Variants in LEP observed in about 807,000 individuals in gnomAD.
The protein encoded by LEP is leptin (murine obesity homolog).
A neutral mutation model predicts 9.8 loss-of-function variants in LEP; 6 were observed. The ratio of observed to expected loss-of-function variants is 0.61; its 90% confidence interval spans 0.34 to 1.21. The LOEUF is 1.21. Among genes scored for constraint, LEP ranks in the 50% most tolerant of loss-of-function variants. LEP has a pLI of 0.04. For synonymous variants in LEP, 112 were observed against 81.7 expected, an observed-to-expected ratio of 1.37 and a Z score of -2.00; for missense variants, 134 against 198.1, an observed-to-expected ratio of 0.68 and a Z score of 1.94.
At chr7:128,253,148 G>A (rs936429164) in intron 2 of LEP, among the ~76,000 whole-genome samples, 2 of 152,106 alleles carry the variant, frequency 1.3e-5, no homozygotes, top group African/African-American at 2.4e-5. Context: ...CCCATTGGCA[G>A]GAACAAGACC....
intron 1 of LEP, among the ~76,000 whole-genome samples, chr7:128,242,170 A>G (rs1795159536): frequency 6.6e-6 from 1 of 152,226 alleles, no homozygotes. Flanking sequence ...AGTTAGGTCC[A>G]AGTGAGACAA....
chr7:128,246,071 AAAAAAAAT>A (rs1166357738), intron 1 of LEP, among the ~76,000 whole-genome samples: 166 of 152,006 alleles, frequency 1.1e-3, no homozygotes, highest in African/African-American at 3.6e-3. Flanking sequence ...ACTCCGTCAA[AAAAAAAAT>A]AAAAAAATAA....
chr7:128,245,995 C>T (rs1294921860), intron 1 of LEP, among the ~76,000 whole-genome samples: 9 of 151,648 alleles, frequency 5.9e-5, no homozygotes, highest in African/African-American at 1.5e-4. Context: ...CGCTTGAACC[C>T]GGGAGGCGGA....
intron 1 of LEP, among the ~76,000 whole-genome samples, chr7:128,250,797 C>T (rs1795265879): frequency 1.3e-5 from 2 of 152,126 alleles, no homozygotes; most frequent in Non-Finnish European, 2.9e-5. Flanking sequence ...TCTCCAGAAC[C>T]GTCATCCTAA....
At position 128,252,084 on chromosome 7, in the gene LEP, G is replaced by A; in HGVS notation, c.66G>A (p.Val22=). ...LWPYLFYVQA[V]PIQKVQDDTK... Reference sequence around the variant, plus strand: ...CCTATCTTTTCTATGTCCAAGCTGTGCCCATCCAAAAAGTCCAAGATGACA... The same window carrying A: ...CCTATCTTTTCTATGTCCAAGCTGTACCCATCCAAAAAGTCCAAGATGACA... The change falls in exon 2 of 3, where the codon GTG becomes GTA. Residue 22 remains valine (V), a synonymous_variant. Coordinates refer to ENST00000308868, the MANE Select transcript of LEP (RefSeq NM_000230.3). 6.2e-7 allele frequency: 1 copy of A among 1,614,106 alleles called. No individual in the cohort carries two copies. Among genetic ancestry groups the A allele is most frequent in the Non-Finnish European group, 8.5e-7 (1 of 1,179,982 alleles).
chr7:128,245,004 G>A (rs948296472), intron 1 of LEP, among the ~76,000 whole-genome samples: 4 of 152,192 alleles, frequency 2.6e-5, no homozygotes, highest in Admixed American at 2.6e-4. Flanking sequence ...AAGGGGGCTG[G>A]AGTGTAAATG....
At chr7:128,243,778 A>T (rs906474231) in intron 1 of LEP, among the ~76,000 whole-genome samples, 7 of 152,214 alleles carry the variant, frequency 4.6e-5, no homozygotes, top group Non-Finnish European at 7.3e-5. Flanking sequence ...AGAATGGGAA[A>T]TCTTTCATTT....
At chr7:128,244,141 T>C (rs1171949710) in intron 1 of LEP, among the ~76,000 whole-genome samples, 1 of 151,442 alleles carries the variant, frequency 6.6e-6, no homozygotes, top group Admixed American at 6.6e-5. Context: ...CCCAGCTACT[T>C]GGGAGGCTGA....
intron 2 of LEP, among the ~76,000 whole-genome samples, 168 bp downstream of exon 2, chr7:128,252,330 G>A (rs921801514): frequency 3.3e-5 from 5 of 152,204 alleles, no homozygotes; most frequent in African/African-American, 1.2e-4. Flanking sequence ...ACTCTTTCTG[G>A]TTGTTTCTTT....
Position 128,254,662 on chromosome 7 carries a change from C to A in LEP, c.403C>A (p.Leu135Met), listed in dbSNP as rs1478070295. The A allele has an allele frequency of 8.7e-6, 14 of 1,613,980 alleles. No individual in the cohort carries two copies. The highest frequency in any genetic ancestry group is 1.7e-5 in the Admixed American group (1 of 60,010). The change falls in exon 3 of 3, where the codon CTG becomes ATG. Residue 135 changes from leucine (L) to methionine (M), a missense_variant. Leu to Met is a conservative substitution (Grantham distance 15, BLOSUM62 2). Transcript: ENST00000308868. Reference protein sequence around the residue: ...LETLDSLGGVLEASGYSTEVV... With the variant: ...LETLDSLGGVMEASGYSTEVV... Reference sequence around the variant, plus strand: ...GACCTTGGACAGCCTGGGGGGTGTCCTGGAAGCTTCAGGCTACTCCACAGA... The same window carrying A: ...GACCTTGGACAGCCTGGGGGGTGTCATGGAAGCTTCAGGCTACTCCACAGA...
chr7:128,248,024 G>A (rs140936524), intron 1 of LEP, among the ~76,000 whole-genome samples: 1 of 152,320 alleles, frequency 6.6e-6, no homozygotes, highest in East Asian at 1.9e-4. Flanking sequence ...CCAATGCGGT[G>A]GCTCACGCCT....
chr7:128,241,344 G>A (rs1288977509), intron 1 of LEP, 38 bp downstream of exon 1: 1 of 153,710 alleles, frequency 6.5e-6, no homozygotes, highest in Non-Finnish European at 1.5e-5. Flanking sequence ...TTCTCTGCTG[G>A]TCTTTCTTGG....
chr7:128,245,865 C>T lies in LEP; in HGVS notation c.-29+4559C>T, dbSNP rs562645794. Among the ~76,000 whole-genome samples, 199 of 152,060 alleles carry T rather than the reference C, an allele frequency of 1.3e-3. 8 individuals carry two copies. The South Asian group carries it at 0.041, about 31-fold the overall frequency. On this transcript the variant is annotated intron_variant, in intron 1 of 2. Coordinates refer to ENST00000308868, the MANE Select transcript of LEP (RefSeq NM_000230.3). Reference sequence around the variant, plus strand: ...GATCACGAGGTCAGGAGTTTGAGACCAGCCTGGCCAAGATGGTGAAGCCTC... The same window carrying T: ...GATCACGAGGTCAGGAGTTTGAGACTAGCCTGGCCAAGATGGTGAAGCCTC...
intron 2 of LEP, among the ~76,000 whole-genome samples, chr7:128,253,101 T>C (rs1795294587): frequency 6.6e-6 from 1 of 152,108 alleles, no homozygotes; most frequent in South Asian, 2.1e-4. Context: ...TGAATCTTAG[T>C]GCCTACGACC....
chr7:128,255,161 A>C lies in LEP; in HGVS notation c.*398A>C. On this transcript the variant is annotated 3_prime_UTR_variant, in exon 3 of 3. Transcript: ENST00000308868. ...GGCAGAGCCTTTGGATGACCAGAAC[A>C]AGGTTCCCTCTGAGAATTCCAAGGA... The C allele has an allele frequency of 4.4e-6, 1 of 227,276 alleles. No individual in the cohort carries two copies. Among genetic ancestry groups the C allele is most frequent in the Non-Finnish European group, 8.9e-6 (1 of 111,842 alleles). The allele number at this position is 227,276 out of a possible 1,614,324, so 14.1% of individuals were successfully genotyped here. A position where few individuals can be genotyped will look rare whatever the true frequency, so the allele number is the denominator to read the frequency against.
chr7:128,250,135 G>A (rs757963232), intron 1 of LEP, among the ~76,000 whole-genome samples: 6 of 152,188 alleles, frequency 3.9e-5, no homozygotes, highest in Non-Finnish European at 8.8e-5. Context: ...GCCTGCAGCT[G>A]GAGCCGCAGA....
At chr7:128,251,264 G>A (rs1795271697) in intron 1 of LEP, among the ~76,000 whole-genome samples, 2 of 152,176 alleles carry the variant, frequency 1.3e-5, no homozygotes, top group African/African-American at 2.4e-5. Flanking sequence ...GCCACTCGAG[G>A]GTAGAGAGCA....
rs1194618424 is a variant in LEP at position 128,256,905 on chromosome 7, TGCCTGCAGAGAGAA to T, written c.*2148_*2161del. 2.6e-5 allele frequency: 4 copies of T among 152,354 alleles called. No individual in the cohort carries two copies. The highest frequency in any genetic ancestry group is 7.2e-5 in the African/African-American group (3 of 41,510). 9.4% of individuals were successfully genotyped at this position (152,354 alleles called of 1,614,324 possible). On this transcript the variant is annotated 3_prime_UTR_variant, in exon 3 of 3. Transcript: ENST00000308868. The stretch of plus-strand genomic sequence containing the variant: ...TTTGAAGGAGGTGAGGGATGTGAAT[TGCCTGCAGAGAGAA>T]GCCTGTTTTGTTGGAAGGTTTGGTG...
At chr7:128,248,940 T>C (rs1471140466) in intron 1 of LEP, among the ~76,000 whole-genome samples, 3 of 152,240 alleles carry the variant, frequency 2.0e-5, no homozygotes, top group African/African-American at 7.2e-5. Flanking sequence ...CTATGCTCAA[T>C]GAAATTGTAT....
Sources: allele counts gnomAD v4.1 joint callset (sites outside exome capture counted in the v4.1 genomes callset), GRCh38; gene constraint gnomAD v4.1.1; transcripts MANE v1.5; gene names NCBI Gene and HGNC (gene_info 2026-07-23, HGNC 2026-07-21).